The following OR6N1 variants were observed in gnomAD, a reference collection of about 807,000 sequenced individuals.
OR6N1 encodes olfactory receptor family 6 subfamily N member 1.
For missense variants in OR6N1, 394 were observed against 371.7 expected (o/e 1.06, Z -0.49); for synonymous variants, 170 against 150.7 (o/e 1.13, Z -0.94).
the OR6N1 span, among the ~76,000 whole-genome samples, chr1:158,778,108 T>A: frequency 1.3e-5 from 2 of 152,224 alleles, no homozygotes; most frequent in African/African-American, 4.8e-5. Flanking sequence ...GAGTGAATTT[T>A]GGGTATGAGA....
the OR6N1 span, among the ~76,000 whole-genome samples, chr1:158,795,071 G>C: frequency 6.6e-6 from 1 of 152,192 alleles, no homozygotes; most frequent in Admixed American, 6.5e-5. Context: ...CCCCACATGT[G>C]GGTGCAGGCA....
chr1:158,771,616 G>A (rs1321386999), intron 1 of OR6N1, among the ~76,000 whole-genome samples: 1 of 152,162 alleles, frequency 6.6e-6, no homozygotes, highest in Non-Finnish European at 1.5e-5. Flanking sequence ...AGATACCACA[G>A]CTGCATTATT....
the OR6N1 span, among the ~76,000 whole-genome samples, chr1:158,780,915 T>C: frequency 6.6e-6 from 1 of 152,228 alleles, no homozygotes; most frequent in East Asian, 1.9e-4. Context: ...AAATGTTTGC[T>C]AATCTCTTGG....
the OR6N1 span, among the ~76,000 whole-genome samples, chr1:158,824,060 A>G: frequency 6.6e-6 from 1 of 151,584 alleles, no homozygotes; most frequent in African/African-American, 2.4e-5. Context: ...TAATTGTGTT[A>G]TGGTCCAAGA....
upstream of OR6N1, chr1:158,774,229 A>AC (rs1657521648): frequency 6.6e-6 from 1 of 152,224 alleles, no homozygotes; most frequent in East Asian, 1.9e-4. Context: ...GTAGCAATGT[A>AC]CTGTGTGTTT....
chr1:158,829,662 A>C, the OR6N1 span, among the ~76,000 whole-genome samples: 26 of 152,298 alleles, frequency 1.7e-4, no homozygotes, highest in Admixed American at 1.3e-3. Context: ...CCTGTTACCC[A>C]GTTTTAAAGT....
the OR6N1 span, among the ~76,000 whole-genome samples, chr1:158,785,230 C>A: frequency 1.3e-5 from 2 of 152,216 alleles, no homozygotes; most frequent in East Asian, 3.9e-4. Flanking sequence ...AAATACAAAA[C>A]CCTTTTGTGC....
the OR6N1 span, among the ~76,000 whole-genome samples, chr1:158,810,982 G>A: frequency 6.6e-6 from 1 of 152,012 alleles, no homozygotes; most frequent in South Asian, 2.1e-4. Flanking sequence ...TTATCACCCA[G>A]GTATTAAGCC....
the OR6N1 span, among the ~76,000 whole-genome samples, chr1:158,817,112 A>G: frequency 6.6e-6 from 1 of 152,276 alleles, no homozygotes; most frequent in Non-Finnish European, 1.5e-5. Flanking sequence ...GTCAAAGAGT[A>G]CGAAGGTTTT....
the OR6N1 span, among the ~76,000 whole-genome samples, chr1:158,837,996 TC>T: frequency 6.6e-6 from 1 of 151,910 alleles, no homozygotes; most frequent in Admixed American, 6.6e-5. Flanking sequence ...CCTTTACAGC[TC>T]CCCAACACAT....
chr1:158,803,763 A>G, the OR6N1 span, among the ~76,000 whole-genome samples: 1 of 152,250 alleles, frequency 6.6e-6, no homozygotes, highest in Non-Finnish European at 1.5e-5. Context: ...ATTACCTAGA[A>G]TCAGTTAGTG....
rs1367877827 is a variant in OR6N1, at chr1:158,766,717, G to A, written c.-18-17C>T. 1 of 1,501,996 alleles carries A rather than the reference G, an allele frequency of 6.7e-7. No homozygotes were observed. The highest frequency in any genetic ancestry group is 9.0e-7 in the Non-Finnish European group (1 of 1,106,712). The allele number at this position is 1,501,996 out of a possible 1,614,324, so 93.0% of individuals were successfully genotyped here. A position where few individuals can be genotyped will look rare whatever the true frequency, so the allele number is the denominator to read the frequency against. ...TTCATGTCCCTAGATGTGAAGTGTG[G>A]AAGGATAGGAAAGAAAGTTGAACTA... On this transcript the variant is annotated splice_polypyrimidine_tract_variant and intron_variant, in intron 1 of 1. Coordinates refer to ENST00000641846, the MANE Select transcript of OR6N1 (RefSeq NM_001005185.2).
the OR6N1 span, among the ~76,000 whole-genome samples, chr1:158,812,706 T>A: frequency 6.6e-6 from 1 of 152,222 alleles, no homozygotes; most frequent in Admixed American, 6.5e-5. Context: ...ATTTTAAATT[T>A]TTTCATCTAA....
chr1:158,806,035 T>C, the OR6N1 span, among the ~76,000 whole-genome samples: 3 of 152,174 alleles, frequency 2.0e-5, no homozygotes, highest in Non-Finnish European at 4.4e-5. Flanking sequence ...TATTAATTAA[T>C]GTGATCTAAG....
At chr1:158,839,799 A>C in the OR6N1 span, among the ~76,000 whole-genome samples, 1 of 152,186 alleles carries the variant, frequency 6.6e-6, no homozygotes, top group African/African-American at 2.4e-5. Flanking sequence ...CCAATTCTTA[A>C]CAGCTGAAAA....
rs760433982 is a variant in OR6N1 at position 158,766,513 on chromosome 1, G to T, written c.170C>A (p.Thr57Lys). Residue 57 changes from threonine (T) to lysine (K), a missense_variant, in exon 2 of 2, where the codon ACA (threonine) becomes AAA (lysine). Thr to Lys is a moderately conservative substitution (Grantham distance 78). Coordinates refer to ENST00000641846, the MANE Select transcript of OR6N1 (RefSeq NM_001005185.2). ...AATGCTGACAAAGTGGTACATGGGT[G>T]TGTGAAGCCGGGAGTCCAGGCAGAC... Reference protein sequence around the residue: ...LVVCLDSRLHTPMYHFVSILS... With the variant: ...LVVCLDSRLHKPMYHFVSILS... 1.9e-6 allele frequency: 3 copies of T among 1,614,180 alleles called. No homozygotes were observed. Among genetic ancestry groups the T allele is most frequent in the Non-Finnish European group, 2.5e-6 (3 of 1,180,032 alleles).
chr1:158,779,872 T>G, the OR6N1 span, among the ~76,000 whole-genome samples: 66,641 of 151,968 alleles, frequency 0.44, 14,676 homozygotes, highest in Admixed American at 0.48. Context: ...TAGCATATTG[T>G]TACCTTTTTA....
chr1:158,810,303 G>C, the OR6N1 span, among the ~76,000 whole-genome samples: 1 of 151,948 alleles, frequency 6.6e-6, no homozygotes, highest in Non-Finnish European at 1.5e-5. Flanking sequence ...CCCCACTCCT[G>C]CCCATTACCT....
the OR6N1 span, among the ~76,000 whole-genome samples, chr1:158,822,903 G>A: frequency 6.6e-6 from 1 of 152,054 alleles, no homozygotes; most frequent in South Asian, 2.1e-4. Context: ...AGTTTGTTGA[G>A]GACTCTTAAT....
Sources: gnomAD v4.1 joint callset for allele counts (sites outside exome capture counted in the v4.1 genomes callset) on GRCh38, gnomAD v4.1.1 for gene constraint, MANE v1.5 for transcripts, NCBI Gene and HGNC (gene_info 2026-07-23, HGNC 2026-07-21) for gene names.